NNT: variants seen among roughly 807,000 people sequenced by gnomAD.
The protein encoded by NNT is nicotinamide nucleotide transhydrogenase, also known as NAD(P) transhydrogenase, mitochondrial.
A neutral mutation model predicts 104.8 loss-of-function variants in NNT; 50 were observed. The ratio of observed to expected loss-of-function variants is 0.48; its 90% confidence interval spans 0.38 to 0.60. NNT has a LOEUF of 0.60. Ranked by LOEUF, NNT falls within the 20% of genes least tolerant of loss-of-function variation. The pLI is 0.00. For synonymous variants in NNT, 461 were observed against 490.4 expected, an observed-to-expected ratio of 0.94 and a Z score of 0.79; for missense variants, 1,131 against 1,330.7, an observed-to-expected ratio of 0.85 and a Z score of 2.33.
intron 17 of NNT, among the ~76,000 whole-genome samples, chr5:43,669,354 G>T (rs932623691): frequency 1.4e-4 from 21 of 152,226 alleles, no homozygotes; most frequent in African/African-American, 4.1e-4. Flanking sequence ...TCCCTGTCTT[G>T]TGCCAGTTTT....
chr5:43,626,633 G>C, intron 6 of NNT, among the ~76,000 whole-genome samples: 1 of 151,646 alleles, frequency 6.6e-6, no homozygotes, highest in South Asian at 2.1e-4. Flanking sequence ...ATTCATTATT[G>C]AAAAATAGAG....
At chr5:43,637,282 T>C (rs1175312100) in intron 7 of NNT, among the ~76,000 whole-genome samples, 1 of 152,186 alleles carries the variant, frequency 6.6e-6, no homozygotes, top group Non-Finnish European at 1.5e-5. Flanking sequence ...TTCAGCACTT[T>C]CTTGCCATAT....
chr5:43,656,219 C>A, intron 15 of NNT, 146 bp downstream of exon 15: 1 of 679,202 alleles, frequency 1.5e-6, no homozygotes, highest in Non-Finnish European at 2.5e-6. Context: ...AGGTGGGAGG[C>A]TCTCAAGCCC....
In NNT at chr5:43,609,417, A is replaced by G. The variant is rs908955055; in HGVS notation, c.151+71A>G. The stretch of plus-strand genomic sequence containing the variant: ...GGAACTAATAGATCTGATGATTGAT[A>G]AAAGGAAAAGCCATGTAGTTTTATG... On this transcript the variant is annotated intron_variant, in intron 2 of 21. Transcript: ENST00000344920. The G allele has an allele frequency of 2.0e-6, 3 of 1,482,734 alleles. No individual in the cohort carries two copies. In the African/African-American group the frequency reaches 4.2e-5, roughly 21 times the overall value. 91.8% of individuals were successfully genotyped at this position (1,482,734 alleles called of 1,614,324 possible). A position where few individuals can be genotyped will look rare whatever the true frequency, so the allele number is the denominator to read the frequency against.
At chr5:43,611,641 CAG>C (rs1554045340) in intron 2 of NNT, among the ~76,000 whole-genome samples, 1 of 152,104 alleles carries the variant, frequency 6.6e-6, no homozygotes, top group Non-Finnish European at 1.5e-5. Flanking sequence ...GAATCTAAGA[CAG>C]TGTTCAAATT....
chr5:43,628,439 T>A (rs77465034), intron 7 of NNT, 52 bp downstream of exon 7: 50,454 of 1,333,794 alleles, frequency 0.038, 1,161 homozygotes, highest in East Asian at 0.11. Flanking sequence ...TCTTTTTTTT[T>A]AAAAAAAAGC....
intron 18 of NNT, among the ~76,000 whole-genome samples, chr5:43,677,388 G>A (rs1372479916): frequency 1.3e-5 from 2 of 150,946 alleles, no homozygotes; most frequent in Non-Finnish European, 2.9e-5. Flanking sequence ...TATGAAGAGA[G>A]TTTAAAAACA....
chr5:43,626,753 T>C (rs1299136313), intron 6 of NNT, among the ~76,000 whole-genome samples: 1 of 150,786 alleles, frequency 6.6e-6, no homozygotes, highest in Non-Finnish European at 1.5e-5. Context: ...TATATAACTT[T>C]AGAACAAAAT....
At chr5:43,671,465 G>T (rs1478824909) in intron 17 of NNT, among the ~76,000 whole-genome samples, 1 of 152,188 alleles carries the variant, frequency 6.6e-6, no homozygotes, top group East Asian at 1.9e-4. Context: ...AGGAGCTCTT[G>T]TAAGGCAGGC....
At chr5:43,652,944 GA>G (rs1404792486) in intron 13 of NNT, 73 bp from the exon 14 acceptor site, 2 of 1,170,270 alleles carry the variant, frequency 1.7e-6, no homozygotes, top group African/African-American at 3.1e-5. Context: ...TAATTGGCAG[GA>G]AAATATATTG....
At chr5:43,612,813 G>T in intron 2 of NNT, 95 bp from the exon 3 acceptor site, 1 of 816,614 alleles carries the variant, frequency 1.2e-6, no homozygotes, top group Non-Finnish European at 2.0e-6. Context: ...TTGAAGAAAA[G>T]ATTGCTCCTT....
At chr5:43,623,333 C>G (rs1319338536) in intron 5 of NNT, among the ~76,000 whole-genome samples, 1 of 151,584 alleles carries the variant, frequency 6.6e-6, no homozygotes, top group African/African-American at 2.4e-5. Context: ...CTGGAAGGCC[C>G]GTTCCAGACT....
Position 43,655,963 on chromosome 5 carries a change from A to G in NNT, c.2183A>G (p.His728Arg), listed in dbSNP as rs1333259321. ...CIAEYIIEYPHFATDAAANLT... is the reference protein window; with the variant it reads ...CIAEYIIEYPRFATDAAANLT... ...GCTGAGTACATTATAGAATATCCAC[A>G]TTTTGCTACGGATGCAGCAGCAAAT... Residue 728 changes from histidine (H) to arginine (R), a missense_variant, in exon 15 of 22, where the codon CAT (histidine) becomes CGT (arginine). Coordinates refer to ENST00000344920, the MANE Select transcript of NNT (RefSeq NM_182977.3). The G allele has an allele frequency of 6.2e-7, 1 of 1,614,174 alleles. No individual in the cohort carries two copies. The highest frequency in any genetic ancestry group is 2.2e-5 in the East Asian group (1 of 44,884).
At chr5:43,645,300 C>T in intron 9 of NNT, 57 bp from the exon 10 acceptor site, 1 of 1,181,180 alleles carries the variant, frequency 8.5e-7, no homozygotes, top group Non-Finnish European at 1.1e-6. Flanking sequence ...ATTCCTTAAG[C>T]AATTTTGAAA....
intron 14 of NNT, among the ~76,000 whole-genome samples, chr5:43,654,500 A>G (rs933753377): frequency 1.3e-5 from 2 of 152,248 alleles, no homozygotes; most frequent in Non-Finnish European, 2.9e-5. Context: ...AAGTTCTCGC[A>G]TACATTCTGT....
At chr5:43,635,914 C>T (rs1245915519) in intron 7 of NNT, among the ~76,000 whole-genome samples, 1 of 152,130 alleles carries the variant, frequency 6.6e-6, no homozygotes, top group African/African-American at 2.4e-5. Flanking sequence ...TTGCAGTGGC[C>T]ACAATTCAGC....
At position 43,706,134 on chromosome 5, in the gene NNT, T is replaced by C. The variant is rs975014237; in HGVS notation, c.*1730T>C. 1 of 151,568 alleles carries C rather than the reference T, an allele frequency of 6.6e-6. No homozygotes were observed. The highest frequency in any genetic ancestry group is 2.4e-5 in the African/African-American group (1 of 41,408). The allele number at this position is 151,568 out of a possible 1,614,324, so 9.4% of individuals were successfully genotyped here. Reference sequence around the variant, plus strand: ...TATCTTATTCTTTGCTATTTGCCAATCCTTTGTCATCAATTGTGTTAAATG... The same window carrying C: ...TATCTTATTCTTTGCTATTTGCCAACCCTTTGTCATCAATTGTGTTAAATG... On this transcript the variant is annotated 3_prime_UTR_variant, in exon 22 of 22. Transcript: ENST00000344920.
chr5:43,676,356 C>T (rs1741414886), intron 18 of NNT, among the ~76,000 whole-genome samples: 1 of 152,200 alleles, frequency 6.6e-6, no homozygotes, highest in Non-Finnish European at 1.5e-5. Flanking sequence ...AATGAGTTTT[C>T]TGTAAATAAA....
intron 10 of NNT, 31 bp from the exon 11 acceptor site, chr5:43,649,116 C>G (rs1320084800): frequency 8.1e-6 from 13 of 1,611,166 alleles, no homozygotes; most frequent in Non-Finnish European, 1.1e-5. Context: ...TGGATGTCAG[C>G]TCAAACACAC....
Sources: gnomAD v4.1 joint callset for allele counts (sites outside exome capture counted in the v4.1 genomes callset) on GRCh38, gnomAD v4.1.1 for gene constraint, MANE v1.5 for transcripts, NCBI Gene and HGNC (gene_info 2026-07-23, HGNC 2026-07-21) for gene names.